Variants in NCOA7 observed in about 807,000 individuals in gnomAD.
NCOA7 encodes nuclear receptor coactivator 7.
A neutral mutation model predicts 104.3 loss-of-function variants in NCOA7; 45 were observed. The observed-to-expected ratio is 0.43, with a 90% confidence interval of 0.34 to 0.55. The LOEUF (loss-of-function observed/expected upper bound fraction) is 0.55. NCOA7 is among the 20% of genes least tolerant of loss of function. NCOA7 has a pLI of 0.02. For missense variants in NCOA7, 1,041 were observed against 1,119.7 expected (o/e 0.93, Z 1.00); for synonymous variants, 398 against 402.3 (o/e 0.99, Z 0.13).
chr6:125,896,442 T>C (rs1445815405), intron 10 of NCOA7, among the ~76,000 whole-genome samples: 3 of 152,204 alleles, frequency 2.0e-5, no homozygotes, highest in Non-Finnish European at 2.9e-5. Flanking sequence ...CTGTTTGATA[T>C]AAGGTAAGGC....
chr6:125,793,557 C>T (rs1775043496), intron 1 of NCOA7, among the ~76,000 whole-genome samples: 1 of 152,152 alleles, frequency 6.6e-6, no homozygotes, highest in South Asian at 2.1e-4. Flanking sequence ...ACCTCCTGAT[C>T]CCCCAGCACT....
At chr6:125,886,418 AC>A (rs927845341) in intron 8 of NCOA7, among the ~76,000 whole-genome samples, 1 of 152,238 alleles carries the variant, frequency 6.6e-6, no homozygotes, top group Non-Finnish European at 1.5e-5. Context: ...ATACCATTGC[AC>A]ATCTTCAGCC....
Position 125,878,362 on chromosome 6 carries a change from C to A in NCOA7, c.451C>A (p.Pro151Thr). The stretch of plus-strand genomic sequence containing the variant: ...TAAACTTTTCACACATACTATTGTT[C>A]CAGGCCAGGTAATTATACTCTTACT... Reference protein sequence around the residue: ...LNKLFTHTIVPGQVLFVPDAN... With the variant: ...LNKLFTHTIVTGQVLFVPDAN... Residue 151 changes from proline to threonine, a missense_variant, in exon 5 of 16, where the codon CCA (proline) becomes ACA (threonine). Transcript: ENST00000392477. The A allele has an allele frequency of 6.2e-7, 1 of 1,604,658 alleles. No homozygotes were observed. Among genetic ancestry groups the A allele is most frequent in the South Asian group, 1.1e-5 (1 of 89,326 alleles).
intron 10 of NCOA7, chr6:125,899,895 T>C: frequency 2.0e-6 from 1 of 491,960 alleles, no homozygotes; most frequent in Non-Finnish European, 4.4e-6. Flanking sequence ...TCTTTGTAAG[T>C]GAGCTCTTCA....
intron 1 of NCOA7, chr6:125,810,497 C>T (rs1776889655): frequency 6.6e-6 from 1 of 152,066 alleles, no homozygotes; most frequent in South Asian, 2.1e-4. Flanking sequence ...TGCAATACAC[C>T]ATAAATGCAG....
At chr6:125,809,393 G>T (rs1380659794) in intron 1 of NCOA7, among the ~76,000 whole-genome samples, 1 of 152,130 alleles carries the variant, frequency 6.6e-6, no homozygotes, top group African/African-American at 2.4e-5. Context: ...ATGTTGGATA[G>T]GCTGGTCTTG....
At chr6:125,881,023 C>T (rs1583450794) in intron 5 of NCOA7, 67 bp from the exon 6 acceptor site, 1 of 1,017,364 alleles carries the variant, frequency 9.8e-7, no homozygotes, top group Non-Finnish European at 1.6e-6. Flanking sequence ...AGAATAACTT[C>T]TCCAAACACT....
intron 1 of NCOA7, among the ~76,000 whole-genome samples, chr6:125,809,292 C>T (rs1380210349): frequency 2.0e-5 from 3 of 151,976 alleles, no homozygotes; most frequent in Admixed American, 6.6e-5. Context: ...AGGTTGATCT[C>T]GTGCCTCAGC....
At position 125,863,975 on chromosome 6, in the gene NCOA7, T is replaced by A. The variant is rs778497402; in HGVS notation, c.271+8735T>A. Among the ~76,000 whole-genome samples the A allele has an allele frequency of 8.7e-5, 12 of 137,872 alleles. 1 individual carries two copies. In the South Asian group the frequency reaches 1.7e-3, roughly 20 times the overall value. The allele number at this position is 137,872 out of a possible 152,430, so 90.4% of individuals were successfully genotyped here. A position where few individuals can be genotyped will look rare whatever the true frequency, so the allele number is the denominator to read the frequency against. On this transcript the variant is annotated intron_variant, in intron 3 of 15. Coordinates refer to ENST00000392477, the MANE Select transcript of NCOA7 (RefSeq NM_181782.5). ...TTTGGGGGAACATAACATTAAAATC[T>A]TAGCAAATACATTGATGGTTGAAGA...
chr6:125,845,379 G>A (rs1780516510), intron 2 of NCOA7, among the ~76,000 whole-genome samples: 1 of 152,194 alleles, frequency 6.6e-6, no homozygotes, highest in South Asian at 2.1e-4. Flanking sequence ...TGCCATAGCT[G>A]CAGATATTTA....
At chr6:125,890,140 C>T (rs544641071) in intron 9 of NCOA7, among the ~76,000 whole-genome samples, 159 bp downstream of exon 9, 2 of 152,172 alleles carry the variant, frequency 1.3e-5, no homozygotes, top group Admixed American at 1.3e-4. Flanking sequence ...AGAAAATTTA[C>T]AAGATATGGT....
intron 1 of NCOA7, among the ~76,000 whole-genome samples, chr6:125,805,342 G>A (rs1320230098): frequency 3.3e-5 from 5 of 152,044 alleles, no homozygotes. Context: ...TGATCCACCC[G>A]CCTCAGCCTG....
chr6:125,847,809 C>T (rs1780757096), intron 2 of NCOA7, among the ~76,000 whole-genome samples: 1 of 152,144 alleles, frequency 6.6e-6, no homozygotes, highest in South Asian at 2.1e-4. Flanking sequence ...CAAATGGGAT[C>T]TAATTAAACT....
intron 3 of NCOA7, chr6:125,855,672 CAAAA>C (rs1055797675): frequency 6.6e-6 from 1 of 151,006 alleles, no homozygotes; most frequent in Non-Finnish European, 1.5e-5. Context: ...CAAAAACAAA[CAAAA>C]AAAAACACCT....
At position 125,881,158 on chromosome 6, in the gene NCOA7, T is replaced by C. The variant is rs753396665; in HGVS notation, c.528T>C (p.Ala176=). 6.2e-7 allele frequency: 1 copy of C among 1,614,018 alleles called. No individual in the cohort carries two copies. Among genetic ancestry groups the C allele is most frequent in the South Asian group, 1.1e-5 (1 of 91,080 alleles). The stretch of plus-strand genomic sequence containing the variant: ...GGCTATCATCATCCAGTCCTGGTGC[T>C]ACTGTCTCTCCTTCATCATCAGATG... ...TLRLSSSSPG[A]TVSPSSSDAE... Residue 176 remains alanine (A), a synonymous_variant, in exon 6 of 16, where the codon GCT becomes GCC. Transcript: ENST00000392477.
At chr6:125,919,101 A>G (rs923613844) in intron 11 of NCOA7, 5 of 611,870 alleles carry the variant, frequency 8.2e-6, no homozygotes, top group African/African-American at 5.6e-5. Flanking sequence ...ACCGTTTCAA[A>G]GGTGAAAGTG....
intron 10 of NCOA7, among the ~76,000 whole-genome samples, chr6:125,898,668 G>A (rs749288103): frequency 6.6e-5 from 10 of 151,976 alleles, no homozygotes; most frequent in Admixed American, 2.6e-4. Flanking sequence ...AATATCTTAA[G>A]CCTTCAGGAC....
At chr6:125,867,688 T>G (rs1782551076) in intron 3 of NCOA7, among the ~76,000 whole-genome samples, 1 of 152,226 alleles carries the variant, frequency 6.6e-6, no homozygotes, top group African/African-American at 2.4e-5. Flanking sequence ...TGGTTTAGCC[T>G]CACATTAGGT....
Position 125,910,370 on chromosome 6 carries a change from A to G in NCOA7, c.2097-4963A>G, listed in dbSNP as rs553876943. On this transcript the variant is annotated intron_variant, in intron 10 of 15. Coordinates refer to ENST00000392477, the MANE Select transcript of NCOA7 (RefSeq NM_181782.5). ...CAGTGTGGCTATGCACATAATATAT[A>G]TTTCCTTTTCCAAAAGTTATAGTGA... is the stretch of plus-strand genomic sequence containing the variant. 1.1e-3 allele frequency among the ~76,000 whole-genome samples: 162 copies of G among 152,314 alleles called. 1 individual carries two copies. The highest frequency in any genetic ancestry group is 2.1e-3 in the Non-Finnish European group (146 of 68,034).
Sources: allele counts gnomAD v4.1 joint callset (sites outside exome capture counted in the v4.1 genomes callset), GRCh38; gene constraint gnomAD v4.1.1; transcripts MANE v1.5; gene names NCBI Gene and HGNC (gene_info 2026-07-23, HGNC 2026-07-21).